Variants in ZNF804A observed in about 807,000 individuals in gnomAD.
ZNF804A encodes the protein zinc finger protein 804A.
A neutral mutation model predicts 16.5 loss-of-function variants in ZNF804A; 2 were observed. That is an observed-to-expected ratio of 0.12 (90% confidence interval 0.05 to 0.38). ZNF804A has a LOEUF of 0.38. ZNF804A is among the 10% of genes least tolerant of loss of function. ZNF804A has a pLI of 0.99. For synonymous variants in ZNF804A, 534 were observed against 489.6 expected, an observed-to-expected ratio of 1.09 and a Z score of -1.20; for missense variants, 1,473 against 1,390.7, an observed-to-expected ratio of 1.06 and a Z score of -0.94.
At chr2:184,834,568 TTC>T (rs1319302320) in intron 1 of ZNF804A, among the ~76,000 whole-genome samples, 1 of 151,976 alleles carries the variant, frequency 6.6e-6, no homozygotes, top group African/African-American at 2.4e-5. Context: ...TTACCTTCCT[TTC>T]TCTCTCTCTC....
At chr2:184,797,774 G>T (rs1694656814) in intron 1 of ZNF804A, among the ~76,000 whole-genome samples, 1 of 151,702 alleles carries the variant, frequency 6.6e-6, no homozygotes, top group Non-Finnish European at 1.5e-5. Flanking sequence ...TTGTTTTTGG[G>T]TTTTTACTTA....
chr2:184,726,971 A>G (rs1219757579), intron 1 of ZNF804A, among the ~76,000 whole-genome samples: 3 of 151,658 alleles, frequency 2.0e-5, no homozygotes, highest in African/African-American at 7.2e-5. Context: ...ATGCTCTAGC[A>G]CTACAAACAT....
At chr2:184,848,706 T>C (rs1244241458) in intron 1 of ZNF804A, among the ~76,000 whole-genome samples, 1 of 151,978 alleles carries the variant, frequency 6.6e-6, no homozygotes, top group African/African-American at 2.4e-5. Flanking sequence ...GAGAGCATGA[T>C]AGAAGATGAT....
chr2:184,889,084 G>C (rs948778510), intron 2 of ZNF804A, among the ~76,000 whole-genome samples: 4 of 151,742 alleles, frequency 2.6e-5, no homozygotes, highest in African/African-American at 9.7e-5. Context: ...TCAACAGCAT[G>C]TACTTTAGTT....
intron 1 of ZNF804A, among the ~76,000 whole-genome samples, chr2:184,632,146 C>CT (rs201557149): frequency 5.1e-4 from 75 of 147,262 alleles, no homozygotes; most frequent in South Asian, 6.4e-4. Context: ...AATGATACAG[C>CT]TTTTTTTTTT....
At chr2:184,688,284 T>A (rs1054629142) in intron 1 of ZNF804A, among the ~76,000 whole-genome samples, 1 of 152,028 alleles carries the variant, frequency 6.6e-6, no homozygotes, top group African/African-American at 2.4e-5. Context: ...CTGGGCAGGA[T>A]TTTTAGGCAA....
intron 1 of ZNF804A, among the ~76,000 whole-genome samples, chr2:184,758,295 T>C (rs1393599177): frequency 6.6e-6 from 1 of 151,964 alleles, no homozygotes; most frequent in Non-Finnish European, 1.5e-5. Context: ...GTTCTGATGA[T>C]ACAAATAAAT....
intron 2 of ZNF804A, among the ~76,000 whole-genome samples, chr2:184,896,380 AC>A (rs11288911): frequency 0.064 from 9,699 of 152,182 alleles, 1,043 homozygotes; most frequent in African/African-American, 0.22. Context: ...AGATAGGGGT[AC>A]AGTTTACCTG....
chr2:184,863,078 C>T (rs1180305802), intron 1 of ZNF804A, among the ~76,000 whole-genome samples: 3 of 152,002 alleles, frequency 2.0e-5, no homozygotes, highest in Non-Finnish European at 4.4e-5. Flanking sequence ...GGATAGGATA[C>T]AATAAATCAA....
At chr2:184,611,157 T>C (rs1398783387) in intron 1 of ZNF804A, among the ~76,000 whole-genome samples, 1 of 152,178 alleles carries the variant, frequency 6.6e-6, no homozygotes, top group African/African-American at 2.4e-5. Flanking sequence ...AAGAACTCTC[T>C]AGCCCTCTTC....
chr2:184,758,562 TA>T (rs1234021152), intron 1 of ZNF804A, among the ~76,000 whole-genome samples: 2 of 151,960 alleles, frequency 1.3e-5, no homozygotes, highest in East Asian at 3.9e-4. Flanking sequence ...TTCATATGCT[TA>T]ACAACAAAGT....
chr2:184,627,503 T>C (rs1691524838), intron 1 of ZNF804A, among the ~76,000 whole-genome samples: 2 of 152,192 alleles, frequency 1.3e-5, no homozygotes, highest in African/African-American at 4.8e-5. Flanking sequence ...CAAATTGTAT[T>C]ATTTGTCAGA....
intron 1 of ZNF804A, among the ~76,000 whole-genome samples, chr2:184,714,075 A>T (rs1165018350): frequency 1.1e-4 from 17 of 152,020 alleles, no homozygotes; most frequent in Admixed American, 1.1e-3. Flanking sequence ...CTGTATTTTA[A>T]TGTTTTAACT....
chr2:184,690,730 G>C (rs573932330), intron 1 of ZNF804A, among the ~76,000 whole-genome samples: 1 of 151,980 alleles, frequency 6.6e-6, no homozygotes, highest in African/African-American at 2.4e-5. Context: ...CGCATTGATC[G>C]TAATGTTTTC....
chr2:184,695,931 T>C (rs868851030), intron 1 of ZNF804A, among the ~76,000 whole-genome samples: 1 of 152,172 alleles, frequency 6.6e-6, no homozygotes, highest in African/African-American at 2.4e-5. Flanking sequence ...CTTCTATTAT[T>C]TTTTCCAGTG....
chr2:184,805,909 T>A (rs1694793703), intron 1 of ZNF804A, among the ~76,000 whole-genome samples: 1 of 151,970 alleles, frequency 6.6e-6, no homozygotes, highest in Admixed American at 6.5e-5. Flanking sequence ...AAGAGAAGCT[T>A]ATTATATCAA....
chr2:184,718,191 T>G (rs553198582), intron 1 of ZNF804A, among the ~76,000 whole-genome samples: 47 of 152,246 alleles, frequency 3.1e-4, no homozygotes, highest in African/African-American at 1.1e-3. Context: ...AACTTACGTT[T>G]TTAAAATCAT....
chr2:184,673,987 T>C (rs759660407), intron 1 of ZNF804A, among the ~76,000 whole-genome samples: 30 of 152,174 alleles, frequency 2.0e-4, no homozygotes, highest in Non-Finnish European at 3.5e-4. Context: ...CACCCGCTAG[T>C]GAAATTGTTG....
intron 1 of ZNF804A, among the ~76,000 whole-genome samples, chr2:184,787,000 C>T (rs1029811044): frequency 6.6e-6 from 1 of 151,512 alleles, no homozygotes; most frequent in Non-Finnish European, 1.5e-5. Context: ...GGTACTTGTG[C>T]TTGTTTGTTC....
Sources: gnomAD v4.1 joint callset for allele counts (sites outside exome capture counted in the v4.1 genomes callset) on GRCh38, gnomAD v4.1.1 for gene constraint, MANE v1.5 for transcripts, NCBI Gene and HGNC (gene_info 2026-07-23, HGNC 2026-07-21) for gene names.